USP47: variants seen among roughly 807,000 people sequenced by gnomAD.
USP47 encodes ubiquitin specific peptidase 47, also known as ubiquitin carboxyl-terminal hydrolase 47.
In USP47, 35 loss-of-function variants were observed where a neutral mutation model predicts 165.1. That is an observed-to-expected ratio of 0.21 (90% CI 0.16 to 0.28). USP47 has a LOEUF of 0.28. Among genes scored for constraint, USP47 ranks in the 10% least tolerant of loss-of-function variants. The pLI is 1.00. For synonymous variants in USP47, 531 were observed against 544.5 expected, an observed-to-expected ratio of 0.98 and a Z score of 0.35; for missense variants, 1,277 against 1,607.4, an observed-to-expected ratio of 0.79 and a Z score of 3.52.
chr11:11,860,769 G>T (rs1849335497), intron 1 of USP47, among the ~76,000 whole-genome samples: 1 of 152,144 alleles, frequency 6.6e-6, no homozygotes. Flanking sequence ...CGCCTCCTGA[G>T]AATAGTTTTG....
At chr11:11,954,087 T>C (rs374962940) in intron 25 of USP47, among the ~76,000 whole-genome samples, 2 of 152,082 alleles carry the variant, frequency 1.3e-5, no homozygotes, top group South Asian at 2.1e-4. Flanking sequence ...CTGTGTCTAC[T>C]AAAAATACAA....
intron 23 of USP47, 30 bp from the exon 24 acceptor site, chr11:11,950,334 G>A: frequency 7.0e-7 from 1 of 1,426,422 alleles, no homozygotes; most frequent in Non-Finnish European, 9.5e-7. Context: ...TCAAATTATA[G>A]TCGTTTTAAA....
chr11:11,961,447 T>C lies in USP47; in HGVS notation c.*5272T>C, dbSNP rs1353059. Among the ~76,000 whole-genome samples, 2,655 of 152,174 alleles carry C rather than the reference T, an allele frequency of 0.017. 60 individuals are homozygous for C. Among genetic ancestry groups the C allele is most frequent in the East Asian group, 0.083 (427 of 5,172 alleles). The stretch of plus-strand genomic sequence containing the variant: ...GCACCTGAGAAGGACAGAACTGTCA[T>C]TGCAGGATTTGAAGATGAAGGGGCC... On this transcript the variant is annotated 3_prime_UTR_variant, in exon 28 of 28. Coordinates refer to ENST00000527733, the MANE Select transcript of USP47 (RefSeq NM_001282659.2).
At chr11:11,923,599 C>T (rs1854023164) in intron 11 of USP47, among the ~76,000 whole-genome samples, 1 of 152,010 alleles carries the variant, frequency 6.6e-6, no homozygotes, top group Admixed American at 6.6e-5. Flanking sequence ...GATAAAACGT[C>T]TTGAGCATGG....
chr11:11,929,367 T>C, intron 11 of USP47, 67 bp from the exon 12 acceptor site: 1 of 1,566,722 alleles, frequency 6.4e-7, no homozygotes, highest in African/African-American at 1.4e-5. Flanking sequence ...TAACAGAGAA[T>C]AGGAAATACA....
intron 7 of USP47, 129 bp from the exon 8 acceptor site, chr11:11,905,270 A>T: frequency 2.8e-6 from 1 of 357,994 alleles, no homozygotes; most frequent in Non-Finnish European, 4.6e-6. Flanking sequence ...GATAAATATT[A>T]ATGTTTTCAA....
chr11:11,885,300 G>A lies in USP47; in HGVS notation c.357+720G>A, dbSNP rs74604265. On this transcript the variant is annotated intron_variant, in intron 3 of 27. Coordinates refer to ENST00000527733, the MANE Select transcript of USP47 (RefSeq NM_001282659.2). The stretch of plus-strand genomic sequence containing the variant: ...GTGCTCATGGAGAGGAGTGAAAGGG[G>A]AGAGTGAATACAGCACATTCAACTG... Among the ~76,000 whole-genome samples the A allele has an allele frequency of 3.5e-3, 531 of 152,280 alleles. 3 individuals carry two copies. The highest frequency in any genetic ancestry group is 6.8e-3 in the Middle Eastern group (2 of 294).
chr11:11,844,550 C>T (rs950916384), intron 1 of USP47, among the ~76,000 whole-genome samples: 4 of 152,198 alleles, frequency 2.6e-5, no homozygotes, highest in African/African-American at 9.7e-5. Context: ...CTAGAACTCA[C>T]TTCCTTTGCT....
Position 11,957,211 on chromosome 11 carries a change from A to G in USP47, c.*1036A>G, listed in dbSNP as rs1221041336. 2.0e-5 allele frequency: 3 copies of G among 152,172 alleles called. No individual in the cohort carries two copies. Among genetic ancestry groups the G allele is most frequent in the Non-Finnish European group, 4.4e-5 (3 of 68,034 alleles). The allele number at this position is 152,172 out of a possible 1,614,324, so 9.4% of individuals were successfully genotyped here. ...GCTTGTAAGTCCAGTTTTAATTTTT[A>G]GAGTCAATTTGTAGTTACATGTAGT... On this transcript the variant is annotated 3_prime_UTR_variant, in exon 28 of 28. Coordinates refer to ENST00000527733, the MANE Select transcript of USP47 (RefSeq NM_001282659.2).
chr11:11,875,141 T>TA (rs1336065401), intron 1 of USP47, among the ~76,000 whole-genome samples: 1 of 151,684 alleles, frequency 6.6e-6, no homozygotes, highest in Non-Finnish European at 1.5e-5. Context: ...AAGAATGTCT[T>TA]AGAGAGCATG....
intron 1 of USP47, among the ~76,000 whole-genome samples, chr11:11,850,162 A>T (rs1488373712): frequency 6.6e-6 from 1 of 151,630 alleles, no homozygotes; most frequent in Non-Finnish European, 1.5e-5. Flanking sequence ...AAATTCTGCA[A>T]ATTTTCCTTA....
At position 11,902,793 on chromosome 11, in the gene USP47, A is replaced by G. The variant is rs753350195; in HGVS notation, c.672A>G (p.Gln224=). Residue 224 remains glutamine (Q), a synonymous_variant, in exon 6 of 28, where the codon CAA becomes CAG. Coordinates refer to ENST00000527733, the MANE Select transcript of USP47 (RefSeq NM_001282659.2). ...TTCAAAGGCTTTTTGTTTTGTTACA[A>G]ACCAGCAAAAAGAGAGCAATTGAAA... The part of the protein sequence containing the change: ...YQLQRLFVLL[Q]TSKKRAIETT... 6.2e-7 allele frequency: 1 copy of G among 1,604,190 alleles called. No individual in the cohort carries two copies. Among genetic ancestry groups the G allele is most frequent in the Non-Finnish European group, 8.5e-7 (1 of 1,174,534 alleles).
rs960457570 is a variant in USP47, at chr11:11,936,234, TTATATATGTATATATATAAA to T, written c.1870-51_1870-32del. On this transcript the variant is annotated intron_variant, in intron 16 of 27. Coordinates refer to ENST00000527733, the MANE Select transcript of USP47 (RefSeq NM_001282659.2). ...CCCAACAGACTAAAACACTGTGTAT[TTATATATGTATATATATAAA>T]TATATATGTATATATATTTTTTCTT... 113 of 803,000 alleles carry T rather than the reference TTATATATGTATATATATAAA, an allele frequency of 1.4e-4. 1 individual carries two copies. Among genetic ancestry groups the T allele is most frequent in the South Asian group, 5.8e-4 (10 of 17,328 alleles). 49.7% of individuals were successfully genotyped at this position (803,000 alleles called of 1,614,324 possible). A position where few individuals can be genotyped will look rare whatever the true frequency, so the allele number is the denominator to read the frequency against.
Position 11,957,967 on chromosome 11 carries a change from T to G in USP47, c.*1792T>G, listed in dbSNP as rs943649018. ...GTTTGCATTAGTGGGATTGGTGATGTTCTCAGAAGAAAATTGGAAACACTT... is the reference window on the plus strand; with the variant it reads ...GTTTGCATTAGTGGGATTGGTGATGGTCTCAGAAGAAAATTGGAAACACTT... On this transcript the variant is annotated 3_prime_UTR_variant, in exon 28 of 28. Coordinates refer to ENST00000527733, the MANE Select transcript of USP47 (RefSeq NM_001282659.2). 6.6e-6 allele frequency: 1 copy of G among 152,258 alleles called. No homozygotes were observed. The highest frequency in any genetic ancestry group is 6.5e-5 in the Admixed American group (1 of 15,286). 9.4% of individuals were successfully genotyped at this position (152,258 alleles called of 1,614,324 possible).
At chr11:11,925,602 TC>T (rs1854181457) in intron 11 of USP47, among the ~76,000 whole-genome samples, 1 of 151,938 alleles carries the variant, frequency 6.6e-6, no homozygotes, top group African/African-American at 2.4e-5. Context: ...TGATTTTGTA[TC>T]CTGCACTTTT....
At chr11:11,927,491 G>T (rs1054124427) in intron 11 of USP47, among the ~76,000 whole-genome samples, 1 of 152,086 alleles carries the variant, frequency 6.6e-6, no homozygotes, top group Non-Finnish European at 1.5e-5. Context: ...GACAGAAACC[G>T]TATGGCCCAG....
chr11:11,937,573 CTTT>C (rs554663366), intron 17 of USP47, among the ~76,000 whole-genome samples: 5 of 133,712 alleles, frequency 3.7e-5, no homozygotes, highest in Non-Finnish European at 4.9e-5. Context: ...CATTTCCTTG[CTTT>C]TTTTTTTTTT....
At chr11:11,863,194 C>A (rs778358305) in intron 1 of USP47, among the ~76,000 whole-genome samples, 2 of 152,018 alleles carry the variant, frequency 1.3e-5, no homozygotes, top group Non-Finnish European at 2.9e-5. Context: ...TTTAAATTGA[C>A]GAGTCATGGG....
chr11:11,936,184 G>C (rs1380435873), intron 16 of USP47, 119 bp from the exon 17 acceptor site: 2 of 420,602 alleles, frequency 4.8e-6, no homozygotes, highest in Admixed American at 4.9e-5. Context: ...TGTGGATTTT[G>C]TTAGGGCCTA....
Sources: allele counts gnomAD v4.1 joint callset (sites outside exome capture counted in the v4.1 genomes callset), GRCh38; gene constraint gnomAD v4.1.1; transcripts MANE v1.5; gene names NCBI Gene and HGNC (gene_info 2026-07-23, HGNC 2026-07-21).